The following KDM4A variants were observed in gnomAD, a reference collection of about 807,000 sequenced individuals.
KDM4A encodes the protein lysine demethylase 4A.
A neutral mutation model predicts 127.1 loss-of-function variants in KDM4A; 23 were observed. That is an observed-to-expected ratio of 0.18 (90% CI 0.13 to 0.26). The LOEUF is 0.26. KDM4A is among the 10% of genes least tolerant of loss of function. The pLI is 1.00. For synonymous variants in KDM4A, 443 were observed against 466.5 expected (o/e 0.95, Z 0.65); for missense variants, 890 against 1,329.1 (o/e 0.67, Z 5.14).
At position 43,666,998 on chromosome 1, in the gene KDM4A, T is replaced by A; in HGVS notation, c.822T>A (p.Gly274=). Residue 274 remains glycine (G), a synonymous_variant, in exon 8 of 22, where the codon GGT becomes GGA. Coordinates refer to ENST00000372396, the MANE Select transcript of KDM4A (RefSeq NM_014663.3). ...AGEFMITFPY[G]YHAGFNHGFN... is the part of the protein sequence containing the mutation. The stretch of plus-strand genomic sequence containing the variant: ...AGTTTATGATCACTTTCCCTTATGG[T>A]TACCATGCCGGCTTTAACCATGGTT... 1.3e-5 allele frequency: 21 copies of A among 1,614,126 alleles called. No individual in the cohort carries two copies. Among genetic ancestry groups the A allele is most frequent in the Non-Finnish European group, 1.7e-5 (20 of 1,179,978 alleles).
chr1:43,703,585 C>T (rs1365951642), intron 19 of KDM4A, 32 bp from the exon 20 acceptor site: 3 of 1,612,120 alleles, frequency 1.9e-6, no homozygotes, highest in Non-Finnish European at 2.5e-6. Flanking sequence ...GGTGGACGTT[C>T]CTTTCACCCT....
At chr1:43,704,139 TC>T in intron 21 of KDM4A, 27 bp downstream of exon 21, 1 of 1,611,846 alleles carries the variant, frequency 6.2e-7, no homozygotes, top group Non-Finnish European at 8.5e-7. Flanking sequence ...TCCCCCCAGT[TC>T]CTGTCTTGGA....
chr1:43,696,653 A>G (rs2154048989), intron 18 of KDM4A, among the ~76,000 whole-genome samples: 1 of 152,314 alleles, frequency 6.6e-6, no homozygotes, highest in East Asian at 1.9e-4. Context: ...CTTGCCCTTA[A>G]TGCAAGTAAA....
chr1:43,680,543 A>C (rs1660833921), intron 11 of KDM4A, among the ~76,000 whole-genome samples: 1 of 152,238 alleles, frequency 6.6e-6, no homozygotes, highest in Admixed American at 6.5e-5. Context: ...TCTTCAGTTC[A>C]GAAGTCTGAA....
rs1434972223 is a variant in KDM4A, at chr1:43,674,756, G to A, written c.1734+2881G>A. 5.9e-5 allele frequency among the ~76,000 whole-genome samples: 9 copies of A among 152,018 alleles called. No homozygotes were observed. In the East Asian group the frequency reaches 1.4e-3, roughly 23 times the overall value. On this transcript the variant is annotated intron_variant, in intron 11 of 21. Coordinates refer to ENST00000372396, the MANE Select transcript of KDM4A (RefSeq NM_014663.3). ...GCTGGTCTGTAACTCCTGAGTGCCC[G>A]CCTCAGCCTCCCAAAGTGCTGAGAT...
intron 19 of KDM4A, among the ~76,000 whole-genome samples, chr1:43,700,491 T>C (rs891919402): frequency 1.3e-5 from 2 of 152,038 alleles, no homozygotes; most frequent in Non-Finnish European, 2.9e-5. Context: ...CCACCAAAAC[T>C]CAATGGAAGT....
At chr1:43,667,545 C>G (rs921711768) in intron 8 of KDM4A, among the ~76,000 whole-genome samples, 1 of 152,144 alleles carries the variant, frequency 6.6e-6, no homozygotes, top group Admixed American at 6.5e-5. Flanking sequence ...GAGTTAGTGC[C>G]CAGGTAGATT....
chr1:43,652,944 A>G (rs1660151434), intron 1 of KDM4A, among the ~76,000 whole-genome samples, 193 bp from the exon 2 acceptor site: 1 of 152,124 alleles, frequency 6.6e-6, no homozygotes, highest in African/African-American at 2.4e-5. Context: ...TTGGCCTCCC[A>G]AAGTGCTGGG....
At chr1:43,689,226 C>T (rs1437033328) in intron 13 of KDM4A, 131 bp downstream of exon 13, 1 of 896,236 alleles carries the variant, frequency 1.1e-6, no homozygotes, top group Non-Finnish European at 1.7e-6. Flanking sequence ...TTCTCTGCCC[C>T]ATCTGTGTAT....
chr1:43,695,817 A>G (rs1415352282), intron 18 of KDM4A, among the ~76,000 whole-genome samples: 1 of 151,886 alleles, frequency 6.6e-6, no homozygotes, highest in African/African-American at 2.4e-5. Context: ...GGGTTTATTG[A>G]CCCTCGTGGG....
At chr1:43,667,506 T>C (rs1384871575) in intron 8 of KDM4A, among the ~76,000 whole-genome samples, 3 of 152,166 alleles carry the variant, frequency 2.0e-5, no homozygotes, top group African/African-American at 4.8e-5. Context: ...GGGGCCTAAG[T>C]GCAGAGCCTA....
In KDM4A at chr1:43,697,834, T is replaced by C. The variant is rs1211898029; in HGVS notation, c.2671-9T>C. On this transcript the variant is annotated splice_polypyrimidine_tract_variant and intron_variant, in intron 18 of 21. Transcript: ENST00000372396. Reference sequence around the variant, plus strand: ...CGTGTGAGTAACCAAAGCCTCTGTTTTTTTCCAGCGTGCCAAGGGGGCCTT... The same window carrying C: ...CGTGTGAGTAACCAAAGCCTCTGTTCTTTTCCAGCGTGCCAAGGGGGCCTT... 2.5e-6 allele frequency: 4 copies of C among 1,610,252 alleles called. No homozygotes were observed. Among genetic ancestry groups the C allele is most frequent in the Non-Finnish European group, 1.7e-6 (2 of 1,178,370 alleles).
At position 43,651,565 on chromosome 1, in the gene KDM4A, CT is replaced by C. The variant is rs148606869; in HGVS notation, c.-40+1317del. On this transcript the variant is annotated intron_variant, in intron 1 of 21. Coordinates refer to ENST00000372396, the MANE Select transcript of KDM4A (RefSeq NM_014663.3). ...CTAGATTTCTGGTGGATTGGAGGCG[CT>C]TTTCTCCTTTCTGAGCTCTCCAACT... Among the ~76,000 whole-genome samples, 544 of 152,284 alleles carry C rather than the reference CT, an allele frequency of 3.6e-3. 5 individuals carry two copies. The highest frequency in any genetic ancestry group is 0.013 in the African/African-American group (521 of 41,554).
chr1:43,651,640 A>T (rs1660115879), intron 1 of KDM4A, among the ~76,000 whole-genome samples: 5 of 152,122 alleles, frequency 3.3e-5, no homozygotes, highest in Admixed American at 1.3e-4. Context: ...GGCCCCAGAT[A>T]GGGGGTACGG....
At chr1:43,699,053 T>C (rs1013716826) in intron 19 of KDM4A, among the ~76,000 whole-genome samples, 51 of 151,632 alleles carry the variant, frequency 3.4e-4, no homozygotes, top group African/African-American at 1.1e-3. Flanking sequence ...CCTCCCAAAG[T>C]GGTGGGATTA....
intron 11 of KDM4A, among the ~76,000 whole-genome samples, chr1:43,680,683 C>T (rs79520699): frequency 0.15 from 23,086 of 152,262 alleles, 2,260 homozygotes; most frequent in East Asian, 0.24. Flanking sequence ...GCTCCTGGAC[C>T]TCTAGGTCCA....
Position 43,694,172 on chromosome 1 carries a change from C to T in KDM4A, c.2484+70C>T. On this transcript the variant is annotated intron_variant, in intron 17 of 21. Coordinates refer to ENST00000372396, the MANE Select transcript of KDM4A (RefSeq NM_014663.3). This position sits in a 1 kb window ranked among gnomAD's most constrained non-coding sequence, Gnocchi z 5.2. ...CTGGGTAGAAGAGAACAGGGACCTC[C>T]TGTACCCCTTGGTTTTGGTTAGAGT... 8.1e-7 allele frequency: 1 copy of T among 1,236,932 alleles called. No individual in the cohort carries two copies. 76.6% of individuals were successfully genotyped at this position (1,236,932 alleles called of 1,614,324 possible).
intron 3 of KDM4A, among the ~76,000 whole-genome samples, chr1:43,659,771 G>A (rs1660328706): frequency 6.6e-6 from 1 of 152,170 alleles, no homozygotes; most frequent in Non-Finnish European, 1.5e-5. Flanking sequence ...GTTGTTTTTA[G>A]GAGTGATTAC....
chr1:43,666,300 A>G, intron 6 of KDM4A, 152 bp from the exon 7 acceptor site: 1 of 627,950 alleles, frequency 1.6e-6, no homozygotes, highest in Non-Finnish European at 2.8e-6. Flanking sequence ...GCAGAATCTT[A>G]GAATTGGTGC....
Sources: allele counts gnomAD v4.1 joint callset (sites outside exome capture counted in the v4.1 genomes callset), GRCh38; gene constraint gnomAD v4.1.1; non-coding constraint Gnocchi (gnomAD v3.1); transcripts MANE v1.5; gene names NCBI Gene and HGNC (gene_info 2026-07-23, HGNC 2026-07-21).